The following TICRR variants were observed in gnomAD, a reference collection of about 807,000 sequenced individuals.
TICRR encodes the protein TOPBP1 interacting checkpoint and replication regulator.
A neutral mutation model predicts 178.1 loss-of-function variants in TICRR; 132 were observed. The ratio of observed to expected loss-of-function variants is 0.74; its 90% CI spans 0.64 to 0.86. The LOEUF (loss-of-function observed/expected upper bound fraction) is 0.86, where lower values mean the gene tolerates loss of function less well. Among genes scored for constraint, TICRR ranks in the 40% least tolerant of loss-of-function variants. The probability of loss-of-function intolerance (pLI) is 0.00; values close to 1 mark genes in which losing one functional copy is unlikely to be tolerated. For synonymous variants in TICRR, 991 were observed against 900.7 expected (o/e 1.10, Z -1.79); for missense variants, 2,587 against 2,334.3 (o/e 1.11, Z -2.23).
rs1026734601 is a variant in TICRR, at chr15:89,575,554, G to A, written c.-33G>A. On this transcript the variant is annotated 5_prime_UTR_variant, in exon 1 of 22. Transcript: ENST00000268138. ...GACTAAGGGACGGTGGCGCGGGCCC[G>A]GACCGGGGCCCCGGGGCGGCGGCAC... 6.9e-7 allele frequency: 1 copy of A among 1,448,178 alleles called. No individual in the cohort carries two copies. Among genetic ancestry groups the A allele is most frequent in the Non-Finnish European group, 9.0e-7 (1 of 1,108,364 alleles). 89.7% of individuals were successfully genotyped at this position (1,448,178 alleles called of 1,614,324 possible). A position where few individuals can be genotyped will look rare whatever the true frequency, so the allele number is the denominator to read the frequency against.
Position 89,601,739 on chromosome 15 carries a change from A to G in TICRR, c.2330A>G (p.Tyr777Cys), listed in dbSNP as rs1318160824. The change falls in exon 12 of 22, where the codon TAT becomes TGT. Residue 777 changes from tyrosine to cysteine, a missense_variant and splice_region_variant. Physicochemically the swap from Tyr to Cys is radical, Grantham distance 194 (BLOSUM62 -2). Coordinates refer to ENST00000268138, the MANE Select transcript of TICRR (RefSeq NM_152259.4). ...AEFLEEILRLYIDSIPKTLGN... is the reference protein window; with the variant it reads ...AEFLEEILRLCIDSIPKTLGN... The stretch of plus-strand genomic sequence containing the variant: ...TATTCGATCAATCTGTTCCACAGGT[A>G]TATTGACTCTATCCCAAAGACACTT... 1 of 1,614,174 alleles carries G rather than the reference A, an allele frequency of 6.2e-7. No individual in the cohort carries two copies. Among genetic ancestry groups the G allele is most frequent in the Admixed American group, 1.7e-5 (1 of 60,028 alleles).
chr15:89,599,549 G>T, intron 8 of TICRR, 74 bp downstream of exon 8: 1 of 1,474,866 alleles, frequency 6.8e-7, no homozygotes, highest in Non-Finnish European at 9.2e-7. Flanking sequence ...GATTTGGTTA[G>T]TGTCTTGGAA....
chr15:89,592,052 C>G lies in TICRR; in HGVS notation c.1417C>G (p.Pro473Ala). The G allele has an allele frequency of 6.2e-7, 1 of 1,607,862 alleles. No individual in the cohort carries two copies. The highest frequency in any genetic ancestry group is 8.5e-7 in the Non-Finnish European group (1 of 1,175,344). Residue 473 changes from proline to alanine, a missense_variant, in exon 5 of 22, where the codon CCT (proline) becomes GCT (alanine). By Grantham distance (27) the Pro-to-Ala change is conservative. Coordinates refer to ENST00000268138, the MANE Select transcript of TICRR (RefSeq NM_152259.4). The part of the protein sequence containing the change: ...SLADTASAAS[P>A]VPEWAQQELG... ...CTGCTCCTTTGCTCCAATAGCTTCT[C>G]CTGTTCCAGAGTGGGCCCAGCAGGA...
chr15:89,608,127 A>G (rs186830552), intron 14 of TICRR, among the ~76,000 whole-genome samples: 6 of 152,300 alleles, frequency 3.9e-5, no homozygotes, highest in Non-Finnish European at 8.8e-5. Flanking sequence ...AATTATGTCC[A>G]TCTTACATTG....
At chr15:89,613,598 T>C (rs1446841053) in intron 15 of TICRR, among the ~76,000 whole-genome samples, 1 of 152,220 alleles carries the variant, frequency 6.6e-6, no homozygotes, top group Non-Finnish European at 1.5e-5. Context: ...TCATTTTTCT[T>C]CATTCTTTTG....
intron 5 of TICRR, among the ~76,000 whole-genome samples, chr15:89,593,320 A>G (rs1212325283): frequency 3.3e-5 from 5 of 152,228 alleles, no homozygotes; most frequent in African/African-American, 1.2e-4. Context: ...TTTAATGTAC[A>G]AATGTGGCCC....
Position 89,595,521 on chromosome 15 carries a change from G to C in TICRR, c.1810G>C (p.Gly604Arg), listed in dbSNP as rs1345708102. 6.2e-7 allele frequency: 1 copy of C among 1,614,144 alleles called. No individual in the cohort carries two copies. Among genetic ancestry groups the C allele is most frequent in the Non-Finnish European group, 8.5e-7 (1 of 1,180,028 alleles). Reference protein sequence around the residue: ...LHPDGSPDVAGEKGIQKIPSG... With the variant: ...LHPDGSPDVAREKGIQKIPSG... ...TCCAGATGGCAGTCCGGATGTGGCT[G>C]GGGAGAAAGGAATCCAAAAGATACC... is the stretch of plus-strand genomic sequence containing the variant. Residue 604 changes from glycine to arginine, a missense_variant, in exon 7 of 22, where the codon GGG becomes CGG. Physicochemically the swap from Gly to Arg is moderately radical, Grantham distance 125. Transcript: ENST00000268138.
intron 13 of TICRR, among the ~76,000 whole-genome samples, chr15:89,604,713 A>G (rs754742405): frequency 6.7e-6 from 1 of 150,214 alleles, no homozygotes; most frequent in Non-Finnish European, 1.5e-5. Flanking sequence ...TGAGGCTGCA[A>G]TGAACTATGA....
rs769004434 is a variant in TICRR, at chr15:89,624,801, G to A, written c.4491G>A (p.Glu1497=). ...EGEGLRTADA[E]KSSLSHPGIP... ...AGGGGCTAAGGACAGCAGATGCTGA[G>A]AAGTCTTCTCTGTCTCACCCTGGGA... The change falls in exon 20 of 22, where the codon GAG becomes GAA. Residue 1497 remains glutamate, a synonymous_variant. Transcript: ENST00000268138. 1.2e-6 allele frequency: 2 copies of A among 1,614,212 alleles called. No individual in the cohort carries two copies. Among genetic ancestry groups the A allele is most frequent in the Non-Finnish European group, 1.7e-6 (2 of 1,180,044 alleles).
In TICRR at chr15:89,621,534, T is replaced by C. The variant is rs201951041; in HGVS notation, c.3296T>C (p.Val1099Ala). The stretch of plus-strand genomic sequence containing the variant: ...TCAAGAAACACTTTGGATTCGGAGG[T>C]ACCTGCAGCTTACCAGGTATAATGT... The part of the protein sequence containing the change: ...KRSRNTLDSE[V>A]PAAYQTPKKS... The change falls in exon 19 of 22, where the codon GTA becomes GCA. Residue 1099 changes from valine (V) to alanine (A), a missense_variant. Val to Ala is a moderately conservative substitution (Grantham distance 64, BLOSUM62 0). Coordinates refer to ENST00000268138, the MANE Select transcript of TICRR (RefSeq NM_152259.4). The C allele has an allele frequency of 5.0e-6, 8 of 1,611,928 alleles. No individual in the cohort carries two copies. Among genetic ancestry groups the C allele is most frequent in the Non-Finnish European group, 5.1e-6 (6 of 1,179,490 alleles).
At chr15:89,591,227 G>A (rs1359461028) in intron 4 of TICRR, among the ~76,000 whole-genome samples, 1 of 152,158 alleles carries the variant, frequency 6.6e-6, no homozygotes, top group East Asian at 1.9e-4. Flanking sequence ...CCGGGTTCAA[G>A]CTTCTCCTGC....
chr15:89,612,315 T>G (rs113598353), intron 15 of TICRR, among the ~76,000 whole-genome samples: 42 of 152,274 alleles, frequency 2.8e-4, no homozygotes, highest in African/African-American at 9.4e-4. Flanking sequence ...GGGGAAGGTG[T>G]GTCTGTCCCT....
At chr15:89,595,241 A>G (rs1349053506) in intron 6 of TICRR, 152 bp from the exon 7 acceptor site, 2 of 632,614 alleles carry the variant, frequency 3.2e-6, no homozygotes, top group Non-Finnish European at 5.6e-6. Context: ...GTGTGTGGGC[A>G]GAAAGAGATG....
At chr15:89,597,110 A>G (rs765080966) in intron 7 of TICRR, among the ~76,000 whole-genome samples, 1 of 152,314 alleles carries the variant, frequency 6.6e-6, no homozygotes, top group South Asian at 2.1e-4. Context: ...GTGTCTGTAC[A>G]TCAAGTTTAT....
rs1596044111 is a variant in TICRR, at chr15:89,593,262, A to C, written c.1541+1086A>C. Reference sequence around the variant, plus strand: ...TCCGATCCATGAACATGGTGCAGCTATCCATTTATTTAGGTCTCTCTTTAA... The same window carrying C: ...TCCGATCCATGAACATGGTGCAGCTCTCCATTTATTTAGGTCTCTCTTTAA... On this transcript the variant is annotated intron_variant, in intron 5 of 21. Coordinates refer to ENST00000268138, the MANE Select transcript of TICRR (RefSeq NM_152259.4). Among the ~76,000 whole-genome samples the C allele has an allele frequency of 2.0e-5, 3 of 152,186 alleles. No homozygotes were observed. The East Asian group carries it at 5.8e-4, about 29-fold the overall frequency.
Position 89,625,337 on chromosome 15 carries a change from A to G in TICRR, c.5027A>G (p.Lys1676Arg). ...PWTPSPKHSG[K>R]TTPDIIKDWP... ...ACACCATCCCCCAAGCACAGTGGGAAGACAACTCCAGACATAATTAAAGAC... is the reference window on the plus strand; with the variant it reads ...ACACCATCCCCCAAGCACAGTGGGAGGACAACTCCAGACATAATTAAAGAC... Residue 1676 changes from lysine (K) to arginine (R), a missense_variant, in exon 20 of 22, where the codon AAG (lysine) becomes AGG (arginine). Coordinates refer to ENST00000268138, the MANE Select transcript of TICRR (RefSeq NM_152259.4). 1 of 1,614,100 alleles carries G rather than the reference A, an allele frequency of 6.2e-7. No individual in the cohort carries two copies. Among genetic ancestry groups the G allele is most frequent in the African/African-American group, 1.3e-5 (1 of 75,050 alleles).
intron 9 of TICRR, among the ~76,000 whole-genome samples, chr15:89,601,049 A>AAG (rs386383746): frequency 2.4e-4 from 2 of 8,240 alleles, no homozygotes; most frequent in Non-Finnish European, 1.3e-3. Flanking sequence ...CTGTCTCAGG[A>AAG]AAAAAAAAAA....
intron 13 of TICRR, 60 bp downstream of exon 13, chr15:89,602,952 T>C: frequency 1.1e-6 from 1 of 883,402 alleles, no homozygotes; most frequent in Non-Finnish European, 1.6e-6. Context: ...GCAGTGTCCC[T>C]ACTTTTAGGA....
chr15:89,618,121 G>A (rs1482538944), intron 16 of TICRR, 31 bp from the exon 17 acceptor site: 23 of 1,604,998 alleles, frequency 1.4e-5, no homozygotes, highest in Non-Finnish European at 1.9e-5. Flanking sequence ...CAAGTGGTAT[G>A]GAGTAATCCT....
Sources: allele counts gnomAD v4.1 joint callset (sites outside exome capture counted in the v4.1 genomes callset), GRCh38; gene constraint gnomAD v4.1.1; transcripts MANE v1.5; gene names NCBI Gene and HGNC (gene_info 2026-07-23, HGNC 2026-07-21).